The following MCTP1 variants were observed in gnomAD, a reference collection of about 807,000 sequenced individuals.
MCTP1 encodes multiple C2 and transmembrane domain-containing protein 1.
Under a neutral mutation model 120.6 loss-of-function variants are expected in MCTP1, and 69 were observed. The observed-to-expected ratio is 0.57, with a 90% CI of 0.47 to 0.70. The LOEUF (loss-of-function observed/expected upper bound fraction) is 0.70, where lower values mean the gene tolerates loss of function less well. Ranked by LOEUF, MCTP1 falls within the 30% of genes least tolerant of loss-of-function variation. The pLI, the probability that MCTP1 is intolerant of heterozygous loss-of-function variation, is 0.00. For synonymous variants in MCTP1, 529 were observed against 493.1 expected (o/e 1.07, Z -0.96); for missense variants, 1,203 against 1,248.8 (o/e 0.96, Z 0.55).
chr5:94,826,047 C>A, intron 17 of MCTP1: 1 of 322,350 alleles, frequency 3.1e-6, no homozygotes, highest in Non-Finnish European at 6.0e-6. Context: ...TTCATTCTGG[C>A]TCGTGGAGAA....
At chr5:94,795,175 C>T (rs1429734466) in intron 18 of MCTP1, among the ~76,000 whole-genome samples, 1 of 149,782 alleles carries the variant, frequency 6.7e-6, no homozygotes, top group East Asian at 2.0e-4. Flanking sequence ...ATTCTCTTTT[C>T]TCAAGGAAGA....
rs74435641 is a variant in MCTP1, at chr5:94,786,577, G to A, written c.2557-7414C>T. On this transcript the variant is annotated intron_variant, in intron 18 of 22. Transcript: ENST00000515393. ...AAACTTCACACAAAACCTCCAAACC[G>A]TTATATCATGAGCTTCCCACAATAT... 6.4e-4 allele frequency among the ~76,000 whole-genome samples: 98 copies of A among 152,228 alleles called. 1 individual carries two copies. In the East Asian group the frequency reaches 0.011, roughly 16 times the overall value.
rs71910468 is a variant in MCTP1, at chr5:95,284,679, TGGCGGCGGCGGC to T, written c.-116_-105del. Reference sequence around the variant, plus strand: ...TCCCGGGTCCCCGCGGCGCTGGCGGTGGCGGCGGCGGCGGCGGCGGGCGCAGCAGCAGAAACC... The same window carrying T: ...TCCCGGGTCCCCGCGGCGCTGGCGGTGGCGGCGGGCGCAGCAGCAGAAACC... On this transcript the variant is annotated 5_prime_UTR_variant, in exon 1 of 23. Transcript: ENST00000515393. The surrounding 1 kb of genome is among the most constrained non-coding windows in gnomAD (Gnocchi z 5.2). 17 of 980,648 alleles carry T rather than the reference TGGCGGCGGCGGC, an allele frequency of 1.7e-5. No individual in the cohort carries two copies. The highest frequency in any genetic ancestry group is 2.3e-5 in the Non-Finnish European group (17 of 729,224). 60.7% of individuals were successfully genotyped at this position (980,648 alleles called of 1,614,324 possible).
chr5:95,148,934 A>C (rs111598819), intron 1 of MCTP1, among the ~76,000 whole-genome samples: 51 of 152,150 alleles, frequency 3.4e-4, no homozygotes, highest in Non-Finnish European at 5.0e-4. Flanking sequence ...CTTAATTTTC[A>C]CAGGCACTGT....
At chr5:94,960,894 C>A (rs1371009707) in intron 2 of MCTP1, among the ~76,000 whole-genome samples, 1 of 152,104 alleles carries the variant, frequency 6.6e-6, no homozygotes, top group Non-Finnish European at 1.5e-5. Context: ...ACTAGAAATA[C>A]CATTTGATCC....
rs1466888536 is a variant in MCTP1 at position 94,706,179 on chromosome 5, T to C, written c.*1317A>G. 1 of 151,636 alleles carries C rather than the reference T, an allele frequency of 6.6e-6. No homozygotes were observed. Among genetic ancestry groups the C allele is most frequent in the Admixed American group, 6.6e-5 (1 of 15,194 alleles). 9.4% of individuals were successfully genotyped at this position (151,636 alleles called of 1,614,324 possible). A position where few individuals can be genotyped will look rare whatever the true frequency, so the allele number is the denominator to read the frequency against. On this transcript the variant is annotated 3_prime_UTR_variant, in exon 23 of 23. Transcript: ENST00000515393. ...ATTATTAATAAAGTAGTGCAAAGCA[T>C]TGTCTGCTGCAATTTCAACTGAGTG...
intron 19 of MCTP1, among the ~76,000 whole-genome samples, chr5:94,772,375 A>G (rs1184494823): frequency 1.3e-5 from 2 of 152,144 alleles, no homozygotes; most frequent in Non-Finnish European, 2.9e-5. Flanking sequence ...TTCTTGCCAT[A>G]AAGGTCCTGA....
At chr5:94,895,216 T>C (rs1038575912) in intron 10 of MCTP1, among the ~76,000 whole-genome samples, 5 of 152,194 alleles carry the variant, frequency 3.3e-5, no homozygotes, top group Admixed American at 3.3e-4. Flanking sequence ...TGAATTTTTG[T>C]GTTACCTTTA....
At chr5:95,249,075 G>A (rs1335129976) in intron 1 of MCTP1, among the ~76,000 whole-genome samples, 1 of 152,096 alleles carries the variant, frequency 6.6e-6, no homozygotes, top group Non-Finnish European at 1.5e-5. Context: ...GAAAACCTAG[G>A]CAATACCATT....
chr5:95,194,337 G>A (rs1750150417), intron 1 of MCTP1, among the ~76,000 whole-genome samples: 1 of 152,198 alleles, frequency 6.6e-6, no homozygotes, highest in Admixed American at 6.5e-5. Flanking sequence ...AACCCAGGCA[G>A]TTTGGCTGCC....
chr5:95,048,420 C>T (rs906412876), intron 1 of MCTP1, among the ~76,000 whole-genome samples: 38 of 152,130 alleles, frequency 2.5e-4, no homozygotes, highest in Non-Finnish European at 4.6e-4. Context: ...CCACTGTTGT[C>T]CTGCTGAGAA....
chr5:94,940,709 A>C (rs930183940), intron 4 of MCTP1, among the ~76,000 whole-genome samples: 15 of 150,688 alleles, frequency 1.0e-4, no homozygotes, highest in African/African-American at 3.6e-4. Context: ...TGTAATGATT[A>C]CATACAAAAA....
chr5:95,276,368 C>T (rs975022929), intron 1 of MCTP1, among the ~76,000 whole-genome samples: 1 of 145,488 alleles, frequency 6.9e-6, no homozygotes, highest in Non-Finnish European at 1.5e-5. Flanking sequence ...AAGCGATTCT[C>T]CTGTCTCAGC....
chr5:94,870,566 T>A, intron 15 of MCTP1, 75 bp from the exon 16 acceptor site: 1 of 1,114,272 alleles, frequency 9.0e-7, no homozygotes, highest in Non-Finnish European at 1.4e-6. Context: ...CAGTTCAATT[T>A]GCAATAATTT....
At chr5:95,060,349 C>T (rs1319127485) in intron 1 of MCTP1, among the ~76,000 whole-genome samples, 3 of 152,106 alleles carry the variant, frequency 2.0e-5, no homozygotes, top group African/African-American at 7.2e-5. Flanking sequence ...TGTTAGAACC[C>T]GGCACACTTT....
chr5:95,276,348 T>A (rs1759833497), intron 1 of MCTP1, among the ~76,000 whole-genome samples: 1 of 139,766 alleles, frequency 7.2e-6, no homozygotes, highest in African/African-American at 2.6e-5. Context: ...AACCTCTGCA[T>A]CCTGGGTTCA....
At chr5:94,874,421 A>G (rs1798380735) in intron 12 of MCTP1, among the ~76,000 whole-genome samples, 1 of 152,150 alleles carries the variant, frequency 6.6e-6, no homozygotes, top group Non-Finnish European at 1.5e-5. Flanking sequence ...TGAGCTGTAC[A>G]AACTTTGACT....
chr5:94,838,422 A>G (rs988639618), intron 17 of MCTP1, among the ~76,000 whole-genome samples: 2 of 152,228 alleles, frequency 1.3e-5, no homozygotes, highest in African/African-American at 2.4e-5. Context: ...GCAAATTCCT[A>G]TGATATGGAG....
chr5:94,710,033 G>A (rs1252222413), intron 21 of MCTP1: 1 of 152,076 alleles, frequency 6.6e-6, no homozygotes, highest in Non-Finnish European at 1.5e-5. Context: ...AGCAGTCTTA[G>A]GTGTATGTGT....
Sources: allele counts gnomAD v4.1 joint callset (sites outside exome capture counted in the v4.1 genomes callset), GRCh38; gene constraint gnomAD v4.1.1; non-coding constraint Gnocchi (gnomAD v3.1); transcripts MANE v1.5; gene names NCBI Gene and HGNC (gene_info 2026-07-23, HGNC 2026-07-21).